The following GCNT1 variants were observed in gnomAD, a reference collection of about 807,000 sequenced individuals.
The protein encoded by GCNT1 is glucosaminyl (N-acetyl) transferase 1.
A neutral mutation model predicts 26.2 loss-of-function variants in GCNT1; 16 were observed. That is an observed-to-expected ratio of 0.61 (90% confidence interval 0.41 to 0.93). The LOEUF is 0.93. Ranked by LOEUF, GCNT1 falls within the 40% of genes least tolerant of loss-of-function variation. The probability of loss-of-function intolerance (pLI) is 0.00; values close to 1 mark genes in which losing one functional copy is unlikely to be tolerated. For synonymous variants in GCNT1, 183 were observed against 190.8 expected (o/e 0.96, Z 0.34); for missense variants, 477 against 526.7 (o/e 0.91, Z 0.92).
the GCNT1 span, among the ~76,000 whole-genome samples, chr9:76,414,581 T>A: frequency 1.3e-5 from 2 of 152,184 alleles, no homozygotes; most frequent in African/African-American, 4.8e-5. Context: ...AAGGGGTAGA[T>A]TATTCATGAG....
Position 76,502,974 on chromosome 9 carries a change from A to G in GCNT1, c.593A>G (p.Asn198Ser), listed in dbSNP as rs770683006. ...TGGAGCCGGGTTCAGGCTGACCTCA[A>G]CTGCATGAAGGATCTCTATGCAATG... ...ASWSRVQADL[N>S]CMKDLYAMSA... The change falls in exon 4 of 4, where the codon AAC becomes AGC. Residue 198 changes from asparagine to serine, a missense_variant. Coordinates refer to ENST00000376730, the MANE Select transcript of GCNT1 (RefSeq NM_001490.5). 1.9e-6 allele frequency: 3 copies of G among 1,613,210 alleles called. No homozygotes were observed. Among genetic ancestry groups the G allele is most frequent in the Admixed American group, 3.3e-5 (2 of 60,014 alleles).
At chr9:76,468,317 C>T (rs911058925) in intron 2 of GCNT1, among the ~76,000 whole-genome samples, 14 of 152,214 alleles carry the variant, frequency 9.2e-5, no homozygotes, top group Non-Finnish European at 2.1e-4. Flanking sequence ...TGAGATGTTG[C>T]AAGTTAGGAG....
In GCNT1 at chr9:76,489,456, G is replaced by A. The variant is rs138726266; in HGVS notation, c.-289-11460G>A. Among the ~76,000 whole-genome samples the A allele has an allele frequency of 5.9e-5, 9 of 152,288 alleles. No individual in the cohort carries two copies. The East Asian group carries it at 1.2e-3, about 20-fold the overall frequency. On this transcript the variant is annotated intron_variant, in intron 2 of 3. Coordinates refer to ENST00000376730, the MANE Select transcript of GCNT1 (RefSeq NM_001490.5). The stretch of plus-strand genomic sequence containing the variant: ...GCAAAAGAACAAAGCTTCCACAGGC[G>A]TGGAAAGAGACCCCAGCGGGTTGCC...
At chr9:76,401,285 C>A in the GCNT1 span, among the ~76,000 whole-genome samples, 8 of 152,170 alleles carry the variant, frequency 5.3e-5, no homozygotes, top group Non-Finnish European at 1.0e-4. Flanking sequence ...GATGGGATCT[C>A]GCTATGTTGC....
rs80111719 is a variant in GCNT1, at chr9:76,484,281, G to T, written c.-289-16635G>T. On this transcript the variant is annotated intron_variant, in intron 2 of 3. Coordinates refer to ENST00000376730, the MANE Select transcript of GCNT1 (RefSeq NM_001490.5). ...GGTTGCAGCTACTTGAGAGGCTAAG[G>T]TGGAAGGATCCCCAGGAGTTTGAGC... Among the ~76,000 whole-genome samples the T allele has an allele frequency of 3.0e-3, 453 of 151,928 alleles. 1 individual carries two copies. Among genetic ancestry groups the T allele is most frequent in the African/African-American group, 0.011 (439 of 41,404 alleles).
At chr9:76,462,290 AAC>A (rs1823889101) in intron 2 of GCNT1, among the ~76,000 whole-genome samples, 1 of 152,206 alleles carries the variant, frequency 6.6e-6, no homozygotes, top group Non-Finnish European at 1.5e-5. Context: ...CTGTTCATAT[AAC>A]CATATGTGTT....
chr9:76,444,447 G>A lies in GCNT1; in HGVS notation c.-290+2132G>A, dbSNP rs77350582. 3.9e-5 allele frequency among the ~76,000 whole-genome samples: 6 copies of A among 152,152 alleles called. No individual in the cohort carries two copies. In the East Asian group the frequency reaches 9.6e-4, roughly 24 times the overall value. ...GGAGGAAACTGAAGGCTGACAAAGA[G>A]TGACGAGAACAAAACCATGAGGATT... On this transcript the variant is annotated intron_variant, in intron 1 of 2. Coordinates refer to the GCNT1 transcript ENST00000442371.
chr9:76,418,617 G>A (rs1291441830), upstream of GCNT1, among the ~76,000 whole-genome samples: 1 of 152,168 alleles, frequency 6.6e-6, no homozygotes. Context: ...TAAACATGAG[G>A]GAATTGCAGG....
rs746656776 is a variant in GCNT1, at chr9:76,492,680, GA to G, written c.-289-8235del. Among the ~76,000 whole-genome samples, 4 of 151,172 alleles carry G rather than the reference GA, an allele frequency of 2.6e-5. No homozygotes were observed. In the South Asian group the frequency reaches 8.5e-4, roughly 32 times the overall value. On this transcript the variant is annotated intron_variant, in intron 2 of 3. Transcript: ENST00000376730. ...TTTCCGCGGCATAGTGGACACAGAT[GA>G]GGGGGCAGCTTGTTTCTCGTTGGAC...
chr9:76,425,110 G>A (rs2131573349), intron 1 of GCNT1, among the ~76,000 whole-genome samples: 1 of 122,420 alleles, frequency 8.2e-6, no homozygotes, highest in Non-Finnish European at 1.6e-5. Context: ...CTGCACTCCA[G>A]CCTGGATGAC....
At chr9:76,447,485 T>A (rs1014997384) in intron 1 of GCNT1, among the ~76,000 whole-genome samples, 1 of 152,250 alleles carries the variant, frequency 6.6e-6, no homozygotes, top group Admixed American at 6.5e-5. Context: ...GCTTAAGCGA[T>A]CGGGCTGCCT....
chr9:76,483,413 T>TA (rs397948739), intron 2 of GCNT1, among the ~76,000 whole-genome samples: 2 of 150,452 alleles, frequency 1.3e-5, no homozygotes, highest in Non-Finnish European at 3.0e-5. Context: ...GTTTTTTTTT[T>TA]ATTGTTTTTT....
chr9:76,407,616 A>G, the GCNT1 span, among the ~76,000 whole-genome samples: 5 of 152,222 alleles, frequency 3.3e-5, no homozygotes, highest in Admixed American at 1.3e-4. Context: ...TTGTGTCTCC[A>G]TATAAACTTT....
chr9:76,454,967 C>T (rs188256754), upstream of GCNT1, among the ~76,000 whole-genome samples: 28 of 150,778 alleles, frequency 1.9e-4, no homozygotes, highest in African/African-American at 6.6e-4. Context: ...CCTGCCTCAG[C>T]CTCCTGAGTA....
intron 2 of GCNT1, among the ~76,000 whole-genome samples, chr9:76,475,667 A>T (rs939357435): frequency 1.3e-5 from 2 of 152,196 alleles, no homozygotes; most frequent in African/African-American, 4.8e-5. Flanking sequence ...AGACAGAGTG[A>T]TGTGGGATTC....
chr9:76,403,802 A>C, the GCNT1 span, among the ~76,000 whole-genome samples: 1 of 152,250 alleles, frequency 6.6e-6, no homozygotes. Context: ...ATGGAGAAAG[A>C]GAAAAAGGAG....
chr9:76,480,862 C>T (rs1349884676), intron 2 of GCNT1, among the ~76,000 whole-genome samples: 1 of 151,934 alleles, frequency 6.6e-6, no homozygotes, highest in African/African-American at 2.4e-5. Context: ...TTAATTTCAT[C>T]TAACTTAGAG....
At chr9:76,430,444 G>A (rs988773107) in intron 1 of GCNT1, among the ~76,000 whole-genome samples, 1 of 151,472 alleles carries the variant, frequency 6.6e-6, no homozygotes, top group Non-Finnish European at 1.5e-5. Flanking sequence ...TGCAGTAGTG[G>A]GATCATGGCT....
At chr9:76,446,114 T>G (rs535508829) in intron 1 of GCNT1, among the ~76,000 whole-genome samples, 41 of 152,280 alleles carry the variant, frequency 2.7e-4, no homozygotes, top group African/African-American at 9.6e-4. Flanking sequence ...GTGGAAGACA[T>G]GAAGAGTCAT....
Sources: gnomAD v4.1 joint callset for allele counts (sites outside exome capture counted in the v4.1 genomes callset) on GRCh38, gnomAD v4.1.1 for gene constraint, MANE v1.5 for transcripts, NCBI Gene and HGNC (gene_info 2026-07-23, HGNC 2026-07-21) for gene names.